The following GPATCH2 variants were observed in gnomAD, a reference collection of about 807,000 sequenced individuals.
GPATCH2 encodes G-patch domain containing 2, also known as G patch domain-containing protein 2.
In GPATCH2, 51 loss-of-function variants were observed where a neutral mutation model predicts 58.0. That is an observed-to-expected ratio of 0.88 (90% CI 0.70 to 1.11). The LOEUF (loss-of-function observed/expected upper bound fraction) is 1.11, where lower values mean the gene tolerates loss of function less well. GPATCH2 is among the 50% of genes most tolerant of loss of function. The pLI is 0.00. For missense variants in GPATCH2, 625 were observed against 652.2 expected (o/e 0.96, Z 0.45); for synonymous variants, 222 against 218.5 (o/e 1.02, Z -0.14).
intron 8 of GPATCH2, among the ~76,000 whole-genome samples, chr1:217,458,503 T>A (rs960526239): frequency 2.6e-5 from 4 of 152,180 alleles, no homozygotes; most frequent in African/African-American, 4.8e-5. Flanking sequence ...TCTGGGGGAA[T>A]GTTGAATGGG....
At chr1:217,602,207 C>T (rs1271168375) in intron 5 of GPATCH2, among the ~76,000 whole-genome samples, 3 of 152,176 alleles carry the variant, frequency 2.0e-5, no homozygotes, top group East Asian at 1.9e-4. Context: ...TGGACCACAA[C>T]GTCCATAAGC....
chr1:217,577,128 T>A (rs960490054), intron 5 of GPATCH2, among the ~76,000 whole-genome samples: 2 of 152,194 alleles, frequency 1.3e-5, no homozygotes, highest in Non-Finnish European at 2.9e-5. Flanking sequence ...AAAGATTTAA[T>A]AGAAACCCGC....
At chr1:217,621,790 C>T (rs958702638) in intron 1 of GPATCH2, among the ~76,000 whole-genome samples, 6 of 152,196 alleles carry the variant, frequency 3.9e-5, no homozygotes, top group Non-Finnish European at 1.5e-5. Context: ...CTAAAAACAA[C>T]ACACATTGTG....
In GPATCH2 at chr1:217,523,381, G is replaced by C. The variant is rs372462478; in HGVS notation, c.1099-8492C>G. ...TTAGGGAGTGGTGATGACTCTTAAC[G>C]AGCATGCTGCCTTCAAGCGTCTGTT... On this transcript the variant is annotated intron_variant, in intron 5 of 9. Transcript: ENST00000366935. Among the ~76,000 whole-genome samples, 14 of 151,646 alleles carry C rather than the reference G, an allele frequency of 9.2e-5. No individual in the cohort carries two copies. In the Middle Eastern group the frequency reaches 0.01, roughly 111 times the overall value.
intron 1 of GPATCH2, among the ~76,000 whole-genome samples, chr1:217,621,816 C>T (rs567161756): frequency 1.2e-3 from 176 of 152,274 alleles, no homozygotes; most frequent in Non-Finnish European, 2.1e-3. Context: ...ACTGGATTTG[C>T]CATTTATAAT....
intron 5 of GPATCH2, among the ~76,000 whole-genome samples, chr1:217,584,346 T>TATATATAA (rs1667233217): frequency 2.0e-5 from 1 of 50,818 alleles, no homozygotes. Flanking sequence ...AAAAAAAAAA[T>TATATATAA]ATATATATAT....
At chr1:217,525,766 G>T (rs1276463855) in intron 5 of GPATCH2, among the ~76,000 whole-genome samples, 2 of 152,008 alleles carry the variant, frequency 1.3e-5, no homozygotes, top group African/African-American at 4.8e-5. Context: ...TGAAGATAAT[G>T]GTGAGACTCA....
intron 9 of GPATCH2, among the ~76,000 whole-genome samples, chr1:217,434,279 G>A (rs967377105): frequency 5.3e-5 from 8 of 152,188 alleles, no homozygotes; most frequent in African/African-American, 1.9e-4. Context: ...TGTGTGTTGT[G>A]TGTGACAGTG....
At chr1:217,514,225 T>A (rs1426664771) in intron 6 of GPATCH2, among the ~76,000 whole-genome samples, 2 of 151,936 alleles carry the variant, frequency 1.3e-5, no homozygotes, top group East Asian at 3.9e-4. Flanking sequence ...AGTGGCATGA[T>A]CTCAGCTCAC....
chr1:217,618,612 T>A (rs1399942365), intron 2 of GPATCH2, among the ~76,000 whole-genome samples: 2 of 151,994 alleles, frequency 1.3e-5, no homozygotes, highest in Non-Finnish European at 2.9e-5. Context: ...CAGGTCCCAC[T>A]CATTTACAAG....
At chr1:217,476,509 C>G (rs1660976415) in intron 8 of GPATCH2, among the ~76,000 whole-genome samples, 2 of 152,140 alleles carry the variant, frequency 1.3e-5, no homozygotes, top group South Asian at 4.1e-4. Context: ...ATCACTGATG[C>G]TGCCCCTACC....
intron 9 of GPATCH2, among the ~76,000 whole-genome samples, chr1:217,447,797 C>T (rs1048551191): frequency 6.6e-6 from 1 of 152,110 alleles, no homozygotes. Flanking sequence ...AATAGGTTCC[C>T]TAATAGAGAA....
At chr1:217,529,544 A>C (rs1664085795) in intron 5 of GPATCH2, among the ~76,000 whole-genome samples, 1 of 152,232 alleles carries the variant, frequency 6.6e-6, no homozygotes, top group African/African-American at 2.4e-5. Context: ...GTTATGAGGC[A>C]GAATAAGAGC....
chr1:217,538,608 T>C (rs146143247), intron 5 of GPATCH2, among the ~76,000 whole-genome samples: 13 of 152,286 alleles, frequency 8.5e-5, no homozygotes, highest in Non-Finnish European at 1.5e-4. Context: ...AGTCTGCCCA[T>C]TGAAACTTAG....
rs1658474531 is a variant in GPATCH2 at position 217,430,359 on chromosome 1, T to G, written c.*786A>C. 1 of 152,212 alleles carries G rather than the reference T, an allele frequency of 6.6e-6. No homozygotes were observed. The allele number at this position is 152,212 out of a possible 1,614,324, so 9.4% of individuals were successfully genotyped here. On this transcript the variant is annotated 3_prime_UTR_variant, in exon 10 of 10. Coordinates refer to ENST00000366935, the MANE Select transcript of GPATCH2 (RefSeq NM_018040.5). ...ATCTTTGGGAAAACAGAGGTAGAAG[T>G]ACATCTGGATTAATAGAATTTACAG...
At chr1:217,512,423 A>G (rs1274693135) in intron 6 of GPATCH2, among the ~76,000 whole-genome samples, 1 of 152,250 alleles carries the variant, frequency 6.6e-6, no homozygotes, top group African/African-American at 2.4e-5. Context: ...GAACCCCTAA[A>G]TGGAAACAGG....
At chr1:217,508,908 A>T (rs1202264646) in intron 6 of GPATCH2, among the ~76,000 whole-genome samples, 1 of 152,198 alleles carries the variant, frequency 6.6e-6, no homozygotes, top group Non-Finnish European at 1.5e-5. Flanking sequence ...TAGACTTTAA[A>T]TATAGTAATA....
intron 9 of GPATCH2, among the ~76,000 whole-genome samples, chr1:217,446,471 C>T (rs373885983): frequency 6.6e-6 from 1 of 152,034 alleles, no homozygotes; most frequent in Non-Finnish European, 1.5e-5. Context: ...GGATAATAAT[C>T]TTCACCTTAG....
rs978226423 is a variant in GPATCH2 at position 217,470,238 on chromosome 1, C to T, written c.1278-20901G>A. 8.5e-5 allele frequency among the ~76,000 whole-genome samples: 13 copies of T among 152,298 alleles called. No homozygotes were observed. The East Asian group carries it at 2.3e-3, about 27-fold the overall frequency. ...ACAAATTCATTTCAGTTAAGGGTCA[C>T]TGGAACAGCTTTCACATGCTAACTG... On this transcript the variant is annotated intron_variant, in intron 8 of 9. Coordinates refer to ENST00000366935, the MANE Select transcript of GPATCH2 (RefSeq NM_018040.5).
Sources: allele counts gnomAD v4.1 joint callset (sites outside exome capture counted in the v4.1 genomes callset), GRCh38; gene constraint gnomAD v4.1.1; transcripts MANE v1.5; gene names NCBI Gene and HGNC (gene_info 2026-07-23, HGNC 2026-07-21).